Variants in VAV2 observed in about 807,000 individuals in gnomAD.
The protein encoded by VAV2 is guanine nucleotide exchange factor VAV2.
A neutral mutation model predicts 132.5 loss-of-function variants in VAV2; 67 were observed. The ratio of observed to expected loss-of-function variants is 0.51; its 90% CI spans 0.42 to 0.62. VAV2 has a LOEUF of 0.62. Among genes scored for constraint, VAV2 ranks in the 20% least tolerant of loss-of-function variants. The pLI is 0.00. For missense variants in VAV2, 938 were observed against 1,153.6 expected (o/e 0.81, Z 2.71); for synonymous variants, 492 against 443.5 (o/e 1.11, Z -1.37).
At chr9:133,981,089 C>T (rs1393574569) in intron 1 of VAV2, among the ~76,000 whole-genome samples, 1 of 152,208 alleles carries the variant, frequency 6.6e-6, no homozygotes, top group Non-Finnish European at 1.5e-5. Flanking sequence ...CAGTCAAACC[C>T]AGGAGGCCCT....
rs963418844 is a variant in VAV2, at chr9:133,794,839, T to A, written c.1101+829A>T. Among the ~76,000 whole-genome samples the A allele has an allele frequency of 6.6e-5, 10 of 151,988 alleles. No homozygotes were observed. Among genetic ancestry groups the A allele is most frequent in the Admixed American group, 5.2e-4 (8 of 15,264 alleles). On this transcript the variant is annotated intron_variant, in intron 12 of 29. Coordinates refer to ENST00000371850, the MANE Select transcript of VAV2 (RefSeq NM_001134398.2). The surrounding 1 kb of genome is among the most constrained non-coding windows in gnomAD (Gnocchi z 4.6). ...CTGGGAAGGAGATGGCACGAACAAG[T>A]GTGTCCAGGAGGAAGAGTGCCACCC...
In VAV2 at chr9:133,783,876, C is replaced by CTTTTTT. The variant is rs1564342140; in HGVS notation, c.1635-286_1635-285insAAAAAA. Among the ~76,000 whole-genome samples, 6 of 124,974 alleles carry CTTTTTT rather than the reference C, an allele frequency of 4.8e-5. 2 individuals are homozygous for CTTTTTT. The highest frequency in any genetic ancestry group is 2.4e-4 in the East Asian group (1 of 4,124). The allele number at this position is 124,974 out of a possible 152,430, so 82.0% of individuals were successfully genotyped here. A position where few individuals can be genotyped will look rare whatever the true frequency, so the allele number is the denominator to read the frequency against. ...TGAAACTCTAAGGGCTTGGCTGGGC[C>CTTTTTT]GTTTTTTTTTTTTTTTTTTTTGGAG... On this transcript the variant is annotated intron_variant, in intron 18 of 29. Transcript: ENST00000371850.
intron 1 of VAV2, among the ~76,000 whole-genome samples, chr9:133,952,360 T>C (rs1350421203): frequency 1.3e-5 from 2 of 152,120 alleles, no homozygotes; most frequent in African/African-American, 2.4e-5. Flanking sequence ...TCCCAGCACT[T>C]TGGGAGGCCG....
chr9:133,789,094 C>T (rs566135982), intron 14 of VAV2, among the ~76,000 whole-genome samples, 164 bp downstream of exon 14: 21 of 152,328 alleles, frequency 1.4e-4, no homozygotes, highest in Non-Finnish European at 1.8e-4. Context: ...CGCTCGCTGA[C>T]GAGAAGGAAG....
chr9:133,901,730 T>G (rs1839450324), intron 2 of VAV2, among the ~76,000 whole-genome samples: 1 of 152,140 alleles, frequency 6.6e-6, no homozygotes, highest in African/African-American at 2.4e-5. Context: ...GGTATTTATT[T>G]CCCCCACTGT....
intron 2 of VAV2, among the ~76,000 whole-genome samples, chr9:133,878,789 G>T (rs1402673915): frequency 1.3e-5 from 2 of 152,236 alleles, no homozygotes; most frequent in Non-Finnish European, 2.9e-5. Context: ...GTTTCCAATG[G>T]GTGTGCAAAG....
rs867944252 is a variant in VAV2, at chr9:133,912,509, G to A, written c.321+26594C>T. 6.6e-6 allele frequency among the ~76,000 whole-genome samples: 1 copy of A among 152,170 alleles called. No homozygotes were observed. Among genetic ancestry groups the A allele is most frequent in the Non-Finnish European group, 1.5e-5 (1 of 68,028 alleles). On this transcript the variant is annotated intron_variant, in intron 2 of 29. Transcript: ENST00000371850. The surrounding 1 kb of genome is among the most constrained non-coding windows in gnomAD (Gnocchi z 4.3). Reference sequence around the variant, plus strand: ...CAACACCCATATGTCACTGGTGCTGGGTCCGAGCATGGGAGCTGCAGCCAA... The same window carrying A: ...CAACACCCATATGTCACTGGTGCTGAGTCCGAGCATGGGAGCTGCAGCCAA...
intron 2 of VAV2, among the ~76,000 whole-genome samples, chr9:133,890,381 C>T (rs185638336): frequency 2.6e-5 from 4 of 152,192 alleles, no homozygotes; most frequent in South Asian, 2.1e-4. Flanking sequence ...GGAGTGAGCA[C>T]GGACTGCAGC....
At chr9:133,987,659 G>A (rs953561509) in intron 1 of VAV2, among the ~76,000 whole-genome samples, 1 of 152,204 alleles carries the variant, frequency 6.6e-6, no homozygotes, top group Admixed American at 6.5e-5. Flanking sequence ...AGGCCACCAG[G>A]ACGATGTGGG....
At position 133,857,751 on chromosome 9, in the gene VAV2, G is replaced by A. The variant is rs1044538246; in HGVS notation, c.380+3623C>T. Among the ~76,000 whole-genome samples the A allele has an allele frequency of 6.6e-6, 1 of 152,206 alleles. No homozygotes were observed. Among genetic ancestry groups the A allele is most frequent in the Admixed American group, 6.5e-5 (1 of 15,288 alleles). On this transcript the variant is annotated intron_variant, in intron 3 of 29. Coordinates refer to ENST00000371850, the MANE Select transcript of VAV2 (RefSeq NM_001134398.2). This position sits in a 1 kb window ranked among gnomAD's most constrained non-coding sequence, Gnocchi z 4.0. The stretch of plus-strand genomic sequence containing the variant: ...CCAAGTGGGGCTGCCTGGGAGGGTT[G>A]CCTGTCACCTGTCTCCTGAGCTCCC...
At chr9:133,861,297 AG>A in intron 3 of VAV2, 76 bp downstream of exon 3, 1 of 1,478,438 alleles carries the variant, frequency 6.8e-7, no homozygotes, top group Non-Finnish European at 9.2e-7. Context: ...TTCCAACCCC[AG>A]TATCTGTGAC....
chr9:133,847,629 C>T (rs919417753), intron 3 of VAV2, among the ~76,000 whole-genome samples: 5 of 152,208 alleles, frequency 3.3e-5, no homozygotes, highest in Non-Finnish European at 7.4e-5. Context: ...CCCAGGCAGA[C>T]CCCACTTGAG....
rs907008608 is a variant in VAV2 at position 133,823,488 on chromosome 9, A to G, written c.449+10784T>C. ...TGTGACGCTTGTTCATTTTAGAGCA[A>G]TATTTCTTAAGTGCCACTGTGTGTC... is the stretch of plus-strand genomic sequence containing the variant. On this transcript the variant is annotated intron_variant, in intron 4 of 29. Coordinates refer to ENST00000371850, the MANE Select transcript of VAV2 (RefSeq NM_001134398.2). The surrounding 1 kb of genome is among the most constrained non-coding windows in gnomAD (Gnocchi z 5.5). Among the ~76,000 whole-genome samples the G allele has an allele frequency of 1.3e-5, 2 of 152,144 alleles. No individual in the cohort carries two copies. Among genetic ancestry groups the G allele is most frequent in the Non-Finnish European group, 2.9e-5 (2 of 68,018 alleles).
chr9:133,786,043 CCTG>C lies in VAV2; in HGVS notation c.1423-161_1423-159del, dbSNP rs556772079. ...GTGAACACATGTTCTCACGTGTGTA[CCTG>C]CTCTCTTGCCCATGCTGTACGTGCA... On this transcript the variant is annotated intron_variant, in intron 16 of 29. Coordinates refer to ENST00000371850, the MANE Select transcript of VAV2 (RefSeq NM_001134398.2). 1,265 of 716,404 alleles carry C rather than the reference CCTG, an allele frequency of 1.8e-3. 13 individuals are homozygous for C. In the African/African-American group the frequency reaches 0.019, roughly 11 times the overall value. The allele number at this position is 716,404 out of a possible 1,614,324, so 44.4% of individuals were successfully genotyped here.
chr9:133,776,336 T>C (rs148965121), intron 23 of VAV2, among the ~76,000 whole-genome samples: 12 of 152,260 alleles, frequency 7.9e-5, no homozygotes, highest in Non-Finnish European at 1.3e-4. Context: ...ACTGACTTGA[T>C]CCCCTGGGAC....
intron 2 of VAV2, among the ~76,000 whole-genome samples, chr9:133,862,468 T>A (rs1284061654): frequency 6.6e-6 from 1 of 152,240 alleles, no homozygotes; most frequent in Non-Finnish European, 1.5e-5. Context: ...TCGCACCAAG[T>A]ACATCTGTGA....
At position 133,827,419 on chromosome 9, in the gene VAV2, G is replaced by A. The variant is rs79017711; in HGVS notation, c.449+6853C>T. On this transcript the variant is annotated intron_variant, in intron 4 of 29. Coordinates refer to ENST00000371850, the MANE Select transcript of VAV2 (RefSeq NM_001134398.2). Reference sequence around the variant, plus strand: ...CACGGGCATCGCCAGCTACTGCTGTGCCCACTGAGGCTGACCACTGAGTGG... The same window carrying A: ...CACGGGCATCGCCAGCTACTGCTGTACCCACTGAGGCTGACCACTGAGTGG... 1.4e-3 allele frequency among the ~76,000 whole-genome samples: 46 copies of A among 33,170 alleles called. 11 individuals are homozygous for A. Among genetic ancestry groups the A allele is most frequent in the East Asian group, 3.6e-3 (1 of 274 alleles). The allele number at this position is 33,170 out of a possible 152,430, so 21.8% of individuals were successfully genotyped here.
chr9:133,875,604 C>T (rs930174299), intron 2 of VAV2, among the ~76,000 whole-genome samples: 2 of 152,352 alleles, frequency 1.3e-5, no homozygotes, highest in South Asian at 2.1e-4. Flanking sequence ...CTGCAGCGCA[C>T]GGCAGGACTG....
rs55731041 is a variant in VAV2 at position 133,789,059 on chromosome 9, A to G, written c.1274+199T>C. 3.3e-5 allele frequency among the ~76,000 whole-genome samples: 5 copies of G among 152,346 alleles called. No homozygotes were observed. In the East Asian group the frequency reaches 7.7e-4, roughly 24 times the overall value. On this transcript the variant is annotated intron_variant, in intron 14 of 29. Coordinates refer to ENST00000371850, the MANE Select transcript of VAV2 (RefSeq NM_001134398.2). ...GCCCAGCCTGGTGCCCGCCACAGGC[A>G]CAAAAGCCCCACTGCTGTGGCGCCC... is the stretch of plus-strand genomic sequence containing the variant.
Sources: allele counts gnomAD v4.1 joint callset (sites outside exome capture counted in the v4.1 genomes callset), GRCh38; gene constraint gnomAD v4.1.1; non-coding constraint Gnocchi (gnomAD v3.1); transcripts MANE v1.5; gene names NCBI Gene and HGNC (gene_info 2026-07-23, HGNC 2026-07-21).